POLR1A: variants seen among roughly 807,000 people sequenced by gnomAD.
POLR1A encodes RNA polymerase I subunit A.
POLR1A carries 84 observed loss-of-function variants against 205.3 expected under a neutral mutation model. The ratio of observed to expected loss-of-function variants is 0.41; its 90% CI spans 0.34 to 0.49. The LOEUF (loss-of-function observed/expected upper bound fraction) is 0.49, where lower values mean the gene tolerates loss of function less well. POLR1A is among the 20% of genes least tolerant of loss of function. The probability of loss-of-function intolerance (pLI) is 0.22; values close to 1 mark genes in which losing one functional copy is unlikely to be tolerated. For missense variants in POLR1A, 1,645 were observed against 2,204.5 expected, an observed-to-expected ratio of 0.75 and a Z score of 5.08; for synonymous variants, 799 against 863.7, an observed-to-expected ratio of 0.93 and a Z score of 1.31.
chr2:86,081,794 G>A, intron 7 of POLR1A, 88 bp from the exon 8 acceptor site: 1 of 749,510 alleles, frequency 1.3e-6, no homozygotes, highest in Non-Finnish European at 2.3e-6. Context: ...TACTGAGTGA[G>A]GAAAAAACAG....
intron 6 of POLR1A, among the ~76,000 whole-genome samples, chr2:86,087,773 C>T (rs1049031521): frequency 1.3e-5 from 2 of 152,104 alleles, no homozygotes; most frequent in African/African-American, 2.4e-5. Context: ...GAACTCCAGA[C>T]CTCAAGTGAT....
intron 26 of POLR1A, 123 bp downstream of exon 26, chr2:86,039,204 T>C: frequency 9.3e-7 from 1 of 1,073,932 alleles, no homozygotes; most frequent in Non-Finnish European, 1.4e-6. Flanking sequence ...AGACAGCTTA[T>C]CTCTCATTGG....
At chr2:86,029,756 C>T (rs969238012) in intron 31 of POLR1A, among the ~76,000 whole-genome samples, 1 of 150,312 alleles carries the variant, frequency 6.7e-6, no homozygotes, top group South Asian at 2.1e-4. Flanking sequence ...GTCACCATGC[C>T]CGGCTATTTT....
Position 86,052,808 on chromosome 2 carries a change from G to T in POLR1A, c.2392+9C>A. 1 of 1,506,134 alleles carries T rather than the reference G, an allele frequency of 6.6e-7. No individual in the cohort carries two copies. The highest frequency in any genetic ancestry group is 1.3e-5 in the South Asian group (1 of 77,830). The allele number at this position is 1,506,134 out of a possible 1,614,324, so 93.3% of individuals were successfully genotyped here. On this transcript the variant is annotated intron_variant, in intron 16 of 33. Coordinates refer to ENST00000263857, the MANE Select transcript of POLR1A (RefSeq NM_015425.6). ...GTCACTGCCCCAGGGCAGCGAGCCC[G>T]GCACTTACCCAAGGTGAAGCCTCTG...
intron 17 of POLR1A, 54 bp downstream of exon 17, chr2:86,049,106 C>G: frequency 6.2e-7 from 1 of 1,610,056 alleles, no homozygotes; most frequent in Non-Finnish European, 8.5e-7. Flanking sequence ...GGTTTTGACT[C>G]AGCACACACT....
chr2:86,103,041 G>A (rs1436615296), intron 1 of POLR1A, among the ~76,000 whole-genome samples: 2 of 152,192 alleles, frequency 1.3e-5, no homozygotes, highest in South Asian at 2.1e-4. Context: ...AAGTGCTAAG[G>A]AAACAGACAA....
chr2:86,068,397 G>GGCGGGT (rs1673123021), intron 13 of POLR1A, among the ~76,000 whole-genome samples: 1 of 107,890 alleles, frequency 9.3e-6, no homozygotes. Flanking sequence ...GGGGGGGGGG[G>GGCGGGT]GCGGGTGTCG....
chr2:86,027,584 G>A, intron 33 of POLR1A, 61 bp from the exon 34 acceptor site: 1 of 1,400,288 alleles, frequency 7.1e-7, no homozygotes, highest in South Asian at 1.1e-5. Context: ...ATGTCATGAG[G>A]TGATTATGGG....
chr2:86,094,106 T>C (rs1341048824), intron 3 of POLR1A, among the ~76,000 whole-genome samples: 2 of 152,338 alleles, frequency 1.3e-5, no homozygotes, highest in East Asian at 1.9e-4. Flanking sequence ...CTTTGATCAC[T>C]TGAATAAAGG....
At chr2:86,085,742 T>A (rs113345039) in intron 6 of POLR1A, among the ~76,000 whole-genome samples, 2 of 152,334 alleles carry the variant, frequency 1.3e-5, no homozygotes, top group African/African-American at 4.8e-5. Flanking sequence ...CATCCCCTCC[T>A]AACAAGAACT....
intron 24 of POLR1A, among the ~76,000 whole-genome samples, chr2:86,041,507 C>T (rs948623334): frequency 6.6e-6 from 1 of 152,138 alleles, no homozygotes; most frequent in East Asian, 1.9e-4. Flanking sequence ...GAAGTTAAGA[C>T]CTGGTGTCCC....
chr2:86,045,420 G>GT, intron 20 of POLR1A, 60 bp from the exon 21 acceptor site: 1 of 1,394,110 alleles, frequency 7.2e-7, no homozygotes, highest in East Asian at 2.3e-5. Context: ...CTTCCTGAAG[G>GT]GCTCAGGCCA....
At chr2:86,094,335 A>C (rs2104432761) in intron 3 of POLR1A, among the ~76,000 whole-genome samples, 1 of 152,348 alleles carries the variant, frequency 6.6e-6, no homozygotes, top group Non-Finnish European at 1.5e-5. Context: ...ATAATCACTT[A>C]GTATCATCAT....
intron 9 of POLR1A, among the ~76,000 whole-genome samples, chr2:86,080,224 G>A (rs1400949916): frequency 1.3e-5 from 2 of 152,070 alleles, no homozygotes. Flanking sequence ...AAGCTTCCTG[G>A]GTGCCCAATT....
At chr2:86,068,112 A>G (rs1393340447) in intron 13 of POLR1A, among the ~76,000 whole-genome samples, 2 of 152,152 alleles carry the variant, frequency 1.3e-5, no homozygotes, top group East Asian at 3.9e-4. Flanking sequence ...TTTGCACCGT[A>G]TTCAATCAAA....
At chr2:86,041,068 G>A (rs776346100) in intron 24 of POLR1A, among the ~76,000 whole-genome samples, 32 of 152,086 alleles carry the variant, frequency 2.1e-4, no homozygotes, top group East Asian at 3.9e-4. Context: ...TATTCATGCC[G>A]CACGATTCTG....
rs145205786 is a variant in POLR1A at position 86,061,339 on chromosome 2, C to T, written c.2058+3935G>A. Among the ~76,000 whole-genome samples, 15 of 152,218 alleles carry T rather than the reference C, an allele frequency of 9.9e-5. No individual in the cohort carries two copies. The East Asian group carries it at 1.9e-3, about 20-fold the overall frequency. The stretch of plus-strand genomic sequence containing the variant: ...GAGCACATCTGTAATCCCAGCTACT[C>T]GAGAGGCTGAGGCAAGAGAATGACT... On this transcript the variant is annotated intron_variant, in intron 14 of 33. Transcript: ENST00000263857.
intron 11 of POLR1A, among the ~76,000 whole-genome samples, chr2:86,075,948 A>AGAC (rs1252749941): frequency 6.6e-6 from 1 of 152,234 alleles, no homozygotes; most frequent in Non-Finnish European, 1.5e-5. Flanking sequence ...CTACCCTGGC[A>AGAC]GACATCACTA....
intron 14 of POLR1A, among the ~76,000 whole-genome samples, chr2:86,064,230 A>T (rs1673048493): frequency 6.6e-6 from 1 of 152,170 alleles, no homozygotes; most frequent in Admixed American, 6.5e-5. Flanking sequence ...TTTGTGGGTT[A>T]GTCTGGTTTC....
Sources: gnomAD v4.1 joint callset for allele counts (sites outside exome capture counted in the v4.1 genomes callset) on GRCh38, gnomAD v4.1.1 for gene constraint, MANE v1.5 for transcripts, NCBI Gene and HGNC (gene_info 2026-07-23, HGNC 2026-07-21) for gene names.